ZZEF1: variants seen among roughly 807,000 people sequenced by gnomAD.
ZZEF1 encodes zinc finger ZZ-type and EF-hand domain containing 1.
In ZZEF1, 157 loss-of-function variants were observed where a neutral mutation model predicts 342.8. The ratio of observed to expected loss-of-function variants is 0.46; its 90% confidence interval spans 0.40 to 0.52. ZZEF1 has a LOEUF of 0.52. Ranked by LOEUF, ZZEF1 falls within the 20% of genes least tolerant of loss-of-function variation. ZZEF1 has a pLI of 0.00. For missense variants in ZZEF1, 3,480 were observed against 3,725.6 expected, an observed-to-expected ratio of 0.93 and a Z score of 1.72; for synonymous variants, 1,505 against 1,429.1, an observed-to-expected ratio of 1.05 and a Z score of -1.20.
chr17:4,008,410 T>C lies in ZZEF1; in HGVS notation c.8805+473A>G, dbSNP rs1597743685. The C allele has an allele frequency of 1.8e-6, 1 of 557,352 alleles. No homozygotes were observed. Among genetic ancestry groups the C allele is most frequent in the African/African-American group, 2.0e-5 (1 of 48,948 alleles). The allele number at this position is 557,352 out of a possible 1,614,324, so 34.5% of individuals were successfully genotyped here. A position where few individuals can be genotyped will look rare whatever the true frequency, so the allele number is the denominator to read the frequency against. ...AAAGGTTTACACTTTTGCTTAATTT[T>C]TAAATTGAAAATCTCGTTTCTAATG... On this transcript the variant is annotated intron_variant, in intron 54 of 54. Coordinates refer to ENST00000381638, the MANE Select transcript of ZZEF1 (RefSeq NM_015113.4). This position sits in a 1 kb window ranked among gnomAD's most constrained non-coding sequence, Gnocchi z 4.2.
chr17:4,044,235 G>A lies in ZZEF1; in HGVS notation c.6155C>T (p.Thr2052Ile). ...CAAATAGTCTTTACCTGGAAGTCCT[G>A]TAGGTGGGCTAGCATCTGCAGGTGA... ...SDSPADASPP[T>I]GLPDAEDSEV... Residue 2052 changes from threonine to isoleucine, a missense_variant, in exon 38 of 55, where the codon ACA (threonine) becomes ATA (isoleucine). Thr to Ile is a moderately conservative substitution (Grantham distance 89, BLOSUM62 -1). This residue lies in a region of ZZEF1 where 1,269 missense variants were observed against 1,342.4 expected (regional missense o/e 0.95). Coordinates refer to ENST00000381638, the MANE Select transcript of ZZEF1 (RefSeq NM_015113.4). 3 of 1,613,810 alleles carry A rather than the reference G, an allele frequency of 1.9e-6. No individual in the cohort carries two copies. The highest frequency in any genetic ancestry group is 1.3e-5 in the African/African-American group (1 of 75,032).
intron 37 of ZZEF1, among the ~76,000 whole-genome samples, chr17:4,048,997 C>T (rs933914389): frequency 2.0e-5 from 3 of 151,594 alleles, no homozygotes; most frequent in South Asian, 4.2e-4. Flanking sequence ...GGATTACAGG[C>T]CACTGTGCCT....
intron 21 of ZZEF1, among the ~76,000 whole-genome samples, chr17:4,075,791 T>G (rs1324478897): frequency 6.7e-6 from 1 of 149,352 alleles, no homozygotes; most frequent in Non-Finnish European, 1.5e-5. Flanking sequence ...AATCTGGATC[T>G]ACTCTCCCTT....
chr17:4,064,520 G>A lies in ZZEF1; in HGVS notation c.4559C>T (p.Ser1520Phe). ...PATAEEPLSP[S>F]TPTRRPPFTR... is the part of the protein sequence containing the mutation. Reference sequence around the variant, plus strand: ...GAAGGGAGGCCGGCGGGTGGGTGTGGAAGGTGACAAGGGCTCTTCAGCTGT... The same window carrying A: ...GAAGGGAGGCCGGCGGGTGGGTGTGAAAGGTGACAAGGGCTCTTCAGCTGT... The change falls in exon 29 of 55, where the codon TCC becomes TTC. Residue 1520 changes from serine to phenylalanine, a missense_variant. Coordinates refer to ENST00000381638, the MANE Select transcript of ZZEF1 (RefSeq NM_015113.4). 6.2e-7 allele frequency: 1 copy of A among 1,614,224 alleles called. No homozygotes were observed. The highest frequency in any genetic ancestry group is 8.5e-7 in the Non-Finnish European group (1 of 1,180,042).
chr17:4,038,644 A>C (rs557936284), intron 39 of ZZEF1, among the ~76,000 whole-genome samples: 1 of 152,268 alleles, frequency 6.6e-6, no homozygotes, highest in East Asian at 1.9e-4. Flanking sequence ...GGCTCTACTC[A>C]AAATATAAAA....
intron 4 of ZZEF1, 137 bp downstream of exon 4, chr17:4,114,162 G>A: frequency 3.4e-6 from 2 of 590,774 alleles, no homozygotes; most frequent in Non-Finnish European, 5.3e-6. Flanking sequence ...ATATAAGCCA[G>A]GTTACATGAT....
At chr17:4,031,270 C>T (rs980043199) in intron 42 of ZZEF1, among the ~76,000 whole-genome samples, 6 of 151,512 alleles carry the variant, frequency 4.0e-5, no homozygotes, top group South Asian at 2.1e-4. Flanking sequence ...GAGCTGAGAT[C>T]GTGTCACCGC....
chr17:4,122,400 C>T (rs1160007567), intron 2 of ZZEF1, among the ~76,000 whole-genome samples: 7 of 150,704 alleles, frequency 4.6e-5, no homozygotes, highest in Non-Finnish European at 8.9e-5. Flanking sequence ...TTTTTCCAGA[C>T]GGAGTTTCGC....
intron 40 of ZZEF1, 64 bp from the exon 41 acceptor site, chr17:4,033,066 A>C: frequency 4.9e-5 from 73 of 1,483,078 alleles, no homozygotes; most frequent in Non-Finnish European, 6.2e-5. Context: ...GTTAGAGCTC[A>C]CTACACTCCA....
intron 2 of ZZEF1, among the ~76,000 whole-genome samples, chr17:4,121,898 G>T (rs200590112): frequency 2.0e-4 from 30 of 151,660 alleles, no homozygotes; most frequent in East Asian, 1.2e-3. Context: ...AATTTTTTTC[G>T]TAAGAGATGG....
chr17:4,085,941 G>T, intron 15 of ZZEF1, 138 bp from the exon 16 acceptor site: 2 of 1,089,648 alleles, frequency 1.8e-6, no homozygotes, highest in Non-Finnish European at 2.5e-6. Context: ...GTACAGGCCA[G>T]GCAGTATAAA....
intron 6 of ZZEF1, among the ~76,000 whole-genome samples, chr17:4,106,015 T>C (rs2058206897): frequency 6.6e-6 from 1 of 152,132 alleles, no homozygotes; most frequent in African/African-American, 2.4e-5. Flanking sequence ...AGTGGTGCGA[T>C]CTCGGCTCAC....
chr17:4,041,317 G>A (rs1018635265), intron 39 of ZZEF1, among the ~76,000 whole-genome samples: 1 of 152,034 alleles, frequency 6.6e-6, no homozygotes, highest in Non-Finnish European at 1.5e-5. Flanking sequence ...CCTGCCAGAC[G>A]CATACCCCTG....
chr17:4,126,108 C>G (rs2058568522), intron 1 of ZZEF1, among the ~76,000 whole-genome samples: 3 of 151,696 alleles, frequency 2.0e-5, no homozygotes, highest in Admixed American at 2.0e-4. Flanking sequence ...CACCTGTAAT[C>G]CCAGCTACTT....
intron 43 of ZZEF1, among the ~76,000 whole-genome samples, chr17:4,024,200 T>TTTG (rs1567770301): frequency 7.1e-6 from 1 of 140,654 alleles, no homozygotes; most frequent in African/African-American, 2.7e-5. Context: ...TTTTTTTTTT[T>TTTG]TTTTTTTTTT....
chr17:4,087,890 C>A (rs6502768), intron 13 of ZZEF1, among the ~76,000 whole-genome samples: 22,481 of 151,822 alleles, frequency 0.15, 1,799 homozygotes, highest in African/African-American at 0.2. Context: ...TGATCACTGT[C>A]CAGGACTGTA....
intron 37 of ZZEF1, among the ~76,000 whole-genome samples, chr17:4,048,873 A>ATTTTTTTTTTTTTTT (rs71144157): frequency 1.3e-3 from 177 of 133,712 alleles, no homozygotes; most frequent in Middle Eastern, 4.0e-3. Flanking sequence ...AGCCTGGATA[A>ATTTTTTTTTTTTTTT]TTTTTTTTTT....
intron 6 of ZZEF1, among the ~76,000 whole-genome samples, chr17:4,106,437 C>T (rs1187042419): frequency 2.7e-5 from 4 of 150,254 alleles, no homozygotes; most frequent in Non-Finnish European, 5.9e-5. Context: ...CAGCTTGAGG[C>T]TCAGTAGAAA....
At position 4,086,334 on chromosome 17, in the gene ZZEF1, ATTCCCACAGCGGCAATCCCTTTCTGGGGG is replaced by A; in HGVS notation, c.2512+123_2512+151del. The A allele has an allele frequency of 5.8e-6, 3 of 516,790 alleles. 1 individual carries two copies. Among genetic ancestry groups the A allele is most frequent in the Non-Finnish European group, 3.4e-6 (1 of 298,382 alleles). The allele number at this position is 516,790 out of a possible 1,614,324, so 32.0% of individuals were successfully genotyped here. ...CACAGCGGCAATCCCTTTCTGGGGG[ATTCCCACAGCGGCAATCCCTTTCTGGGGG>A]ATTCCCACAGCGGCAATCCCTTTCT... On this transcript the variant is annotated intron_variant, in intron 15 of 54. Transcript: ENST00000381638.
Sources: allele counts gnomAD v4.1 joint callset (sites outside exome capture counted in the v4.1 genomes callset), GRCh38; gene constraint gnomAD v4.1.1; regional missense constraint gnomAD v4.1.1; non-coding constraint Gnocchi (gnomAD v3.1); transcripts MANE v1.5; gene names NCBI Gene and HGNC (gene_info 2026-07-23, HGNC 2026-07-21).